SYCP2: variants seen among roughly 807,000 people sequenced by gnomAD.
The protein encoded by SYCP2 is synaptonemal complex protein 2.
SYCP2 carries 55 observed loss-of-function variants against 211.3 expected under a neutral mutation model. The observed-to-expected ratio is 0.26, with a 90% CI of 0.21 to 0.33. SYCP2 has a LOEUF of 0.33. SYCP2 is among the 10% of genes least tolerant of loss of function. The pLI, the probability that SYCP2 is intolerant of heterozygous loss-of-function variation, is 1.00. For missense variants in SYCP2, 1,731 were observed against 1,752.0 expected (o/e 0.99, Z 0.21); for synonymous variants, 570 against 555.2 (o/e 1.03, Z -0.37).
chr20:59,884,102 T>C (rs983839488), intron 26 of SYCP2, among the ~76,000 whole-genome samples: 4 of 152,096 alleles, frequency 2.6e-5, no homozygotes, highest in African/African-American at 7.2e-5. Flanking sequence ...CTTACTGACA[T>C]TGTTGTACGT....
At chr20:59,904,513 C>T (rs1381754032) in intron 15 of SYCP2, among the ~76,000 whole-genome samples, 1 of 152,114 alleles carries the variant, frequency 6.6e-6, no homozygotes, top group Non-Finnish European at 1.5e-5. Flanking sequence ...TGGATCAGTC[C>T]TTCAGCCCCT....
At chr20:59,896,128 G>T (rs1429139263) in intron 19 of SYCP2, among the ~76,000 whole-genome samples, 3 of 152,008 alleles carry the variant, frequency 2.0e-5, no homozygotes, top group Non-Finnish European at 4.4e-5. Flanking sequence ...GTACACAGCT[G>T]GAAGTGGGGA....
rs753386279 is a variant in SYCP2 at position 59,867,806 on chromosome 20, T to C, written c.4030A>G (p.Ile1344Val). The C allele has an allele frequency of 2.2e-5, 35 of 1,609,512 alleles. No homozygotes were observed. The highest frequency in any genetic ancestry group is 2.9e-5 in the Non-Finnish European group (34 of 1,177,030). The change falls in exon 39 of 45, where the codon ATT (isoleucine) becomes GTT (valine). Residue 1344 changes from isoleucine to valine, a missense_variant. Physicochemically the swap from Ile to Val is conservative, Grantham distance 29. This residue lies in a region of SYCP2 where 1,387 missense variants were observed against 1,351.3 expected (regional missense o/e 1.03). Transcript: ENST00000357552. ...TCATTTTGCCAGGTCTCCCAAGGAA[T>C]AGAAAAGTCATTTGTTGATAATGAA... Reference protein sequence around the residue: ...VSSLSTNDFSIPWETWQNEFA... With the variant: ...VSSLSTNDFSVPWETWQNEFA...
intron 19 of SYCP2, 107 bp from the exon 20 acceptor site, chr20:59,895,704 C>T: frequency 7.6e-7 from 1 of 1,312,392 alleles, no homozygotes; most frequent in Admixed American, 2.2e-5. Flanking sequence ...TAGATGGTTC[C>T]CAGGTTTCTG....
intron 3 of SYCP2, 91 bp downstream of exon 3, chr20:59,922,299 C>T: frequency 8.7e-7 from 1 of 1,147,002 alleles, no homozygotes. Context: ...TAAGCTTTAT[C>T]ATTGCTAAAA....
chr20:59,922,560 C>T, intron 2 of SYCP2, 101 bp from the exon 3 acceptor site: 2 of 506,500 alleles, frequency 3.9e-6, no homozygotes, highest in Middle Eastern at 5.1e-4. Flanking sequence ...TTATTTATAC[C>T]AAAGGCAACA....
intron 2 of SYCP2, among the ~76,000 whole-genome samples, chr20:59,929,115 G>A (rs956705879): frequency 2.6e-5 from 4 of 151,894 alleles, no homozygotes; most frequent in African/African-American, 7.3e-5. Flanking sequence ...AGAAGAAGAG[G>A]TCATTCAGAA....
chr20:59,874,964 TA>T (rs530793055), intron 34 of SYCP2, among the ~76,000 whole-genome samples: 16 of 151,610 alleles, frequency 1.1e-4, no homozygotes, highest in Admixed American at 3.9e-4. Flanking sequence ...TATATTGAGC[TA>T]AAAAAAAGCA....
intron 2 of SYCP2, among the ~76,000 whole-genome samples, chr20:59,925,899 C>T (rs1355214263): frequency 6.6e-6 from 1 of 151,990 alleles, no homozygotes; most frequent in Non-Finnish European, 1.5e-5. Flanking sequence ...ATACTGCCTG[C>T]TTTAAAACCT....
intron 15 of SYCP2, among the ~76,000 whole-genome samples, chr20:59,902,943 C>A (rs188321095): frequency 5.4e-4 from 82 of 152,084 alleles, no homozygotes; most frequent in African/African-American, 1.9e-3. Flanking sequence ...AGGTCTATTG[C>A]TGCTGATTGT....
At chr20:59,885,584 T>G (rs1299565225) in intron 26 of SYCP2, among the ~76,000 whole-genome samples, 2 of 152,008 alleles carry the variant, frequency 1.3e-5, no homozygotes, top group African/African-American at 2.4e-5. Flanking sequence ...TAAACAAAAT[T>G]GGAACTTCAG....
In SYCP2 at chr20:59,901,740, T is replaced by C. The variant is rs970630411; in HGVS notation, c.1104A>G (p.Lys368=). ...NTVKISKREG[K]ELLLYFDASL... Reference sequence around the variant, plus strand: ...ATGCGTCAAAATACAAAAGCAATTCTTTCCCTTCTCTTTTGCTAATTTTTA... The same window carrying C: ...ATGCGTCAAAATACAAAAGCAATTCCTTCCCTTCTCTTTTGCTAATTTTTA... Residue 368 remains lysine (K), a synonymous_variant, in exon 16 of 45, where the codon AAA becomes AAG. Transcript: ENST00000357552. The C allele has an allele frequency of 6.9e-6, 11 of 1,605,670 alleles. No homozygotes were observed. Among genetic ancestry groups the C allele is most frequent in the South Asian group, 5.6e-5 (5 of 89,342 alleles).
intron 2 of SYCP2, among the ~76,000 whole-genome samples, chr20:59,931,329 A>G (rs1459970330): frequency 1.3e-5 from 2 of 152,190 alleles, no homozygotes; most frequent in Non-Finnish European, 2.9e-5. Flanking sequence ...AGTGAGGTCC[A>G]GGTTTCAGTG....
intron 30 of SYCP2, 72 bp from the exon 31 acceptor site, chr20:59,880,543 A>AAAC (rs895701861): frequency 5.5e-5 from 45 of 825,332 alleles, no homozygotes; most frequent in African/African-American, 4.5e-4. Flanking sequence ...AGTTAAACCA[A>AAAC]AACAACAACA....
Position 59,892,634 on chromosome 20 carries a change from C to G in SYCP2, c.1861G>C (p.Val621Leu). ...IHSKWACWTP[V>L]TNIELCNNQR... ...TTATTACATAGTTCAATGTTTGTTA[C>G]AGGTGTCCAACATGCCCATTTGCTG... Residue 621 changes from valine (V) to leucine (L), a missense_variant, in exon 23 of 45, where the codon GTA becomes CTA. By Grantham distance (32) the Val-to-Leu change is conservative. Coordinates refer to ENST00000357552, the MANE Select transcript of SYCP2 (RefSeq NM_014258.4). 1 of 1,610,808 alleles carries G rather than the reference C, an allele frequency of 6.2e-7. No individual in the cohort carries two copies. The highest frequency in any genetic ancestry group is 1.1e-5 in the South Asian group (1 of 90,750).
At chr20:59,867,189 G>A (rs551696506) in intron 39 of SYCP2, among the ~76,000 whole-genome samples, 3 of 114,794 alleles carry the variant, frequency 2.6e-5, no homozygotes, top group African/African-American at 3.3e-5. Flanking sequence ...AAAAACTATC[G>A]ATTCCAAATA....
chr20:59,873,941 C>T lies in SYCP2; in HGVS notation c.3470G>A (p.Gly1157Asp), dbSNP rs1481457082. 3.1e-6 allele frequency: 5 copies of T among 1,613,198 alleles called. No individual in the cohort carries two copies. The African/African-American group carries it at 4.0e-5, about 13-fold the overall frequency. The change falls in exon 35 of 45, where the codon GGT (glycine) becomes GAT (aspartate). Residue 1157 changes from glycine (G) to aspartate (D), a missense_variant. Physicochemically the swap from Gly to Asp is moderately conservative, Grantham distance 94. Coordinates refer to ENST00000357552, the MANE Select transcript of SYCP2 (RefSeq NM_014258.4). ...ESLNSNSGVG[G>D]TIKSPKNNEK... ...ATTGTTTTTGGGTGACTTTATTGTA[C>T]CTCCAACTCCACTGTTACTATTTAA...
intron 26 of SYCP2, among the ~76,000 whole-genome samples, chr20:59,884,010 AC>A (rs1179723248): frequency 6.6e-6 from 1 of 152,100 alleles, no homozygotes; most frequent in Admixed American, 6.6e-5. Context: ...ATAAAAAAAC[AC>A]TTCTTTAAAT....
At chr20:59,874,137 T>A (rs2059509132) in intron 34 of SYCP2, 76 bp from the exon 35 acceptor site, 12 of 673,774 alleles carry the variant, frequency 1.8e-5, no homozygotes, top group Non-Finnish European at 2.7e-5. Context: ...ATAGCACGAT[T>A]AATTTAAATT....
Sources: gnomAD v4.1 joint callset for allele counts (sites outside exome capture counted in the v4.1 genomes callset) on GRCh38, gnomAD v4.1.1 for gene constraint, gnomAD v4.1.1 regional missense constraint, MANE v1.5 for transcripts, NCBI Gene and HGNC (gene_info 2026-07-23, HGNC 2026-07-21) for gene names.